ANKRD33: variants seen among roughly 807,000 people sequenced by gnomAD.
ANKRD33 encodes the protein photoreceptor ankyrin repeat protein.
In ANKRD33, 20 loss-of-function variants were observed where a neutral mutation model predicts 20.6. That is an observed-to-expected ratio of 0.97 (90% CI 0.68 to 1.41). ANKRD33 has a LOEUF of 1.41. Ranked by LOEUF, ANKRD33 falls within the 40% of genes most tolerant of loss-of-function variation. ANKRD33 has a pLI of 0.00. For synonymous variants in ANKRD33, 246 were observed against 245.0 expected (o/e 1.00, Z -0.04); for missense variants, 545 against 579.6 (o/e 0.94, Z 0.61).
chr12:51,888,912 A>G (rs747345704), intron 2 of ANKRD33, 94 bp downstream of exon 2: 11 of 1,590,696 alleles, frequency 6.9e-6, no homozygotes, highest in Non-Finnish European at 9.4e-6. Flanking sequence ...TTCAGGGGCA[A>G]TACCTCCTGC....
At position 51,891,548 on chromosome 12, in the gene ANKRD33, T is replaced by C. The variant is rs1365480580; in HGVS notation, c.*243T>C. On this transcript the variant is annotated 3_prime_UTR_variant, in exon 5 of 5. Transcript: ENST00000301190. The stretch of plus-strand genomic sequence containing the variant: ...TACGGATGTAATTGCTGTCCATCCA[T>C]ACAGAGCATACTCTACAGTGTATTC... 1.6e-5 allele frequency: 10 copies of C among 615,824 alleles called. No individual in the cohort carries two copies. In the East Asian group the frequency reaches 2.8e-4, roughly 18 times the overall value. The allele number at this position is 615,824 out of a possible 1,614,324, so 38.1% of individuals were successfully genotyped here. A position where few individuals can be genotyped will look rare whatever the true frequency, so the allele number is the denominator to read the frequency against.
Position 51,889,068 on chromosome 12 carries a change from C to A in ANKRD33, c.398C>A (p.Thr133Lys). 1 of 1,614,148 alleles carries A rather than the reference C, an allele frequency of 6.2e-7. No homozygotes were observed. Among genetic ancestry groups the A allele is most frequent in the African/African-American group, 1.3e-5 (1 of 75,046 alleles). The change falls in exon 3 of 5, where the codon ACA becomes AAA. Residue 133 changes from threonine (T) to lysine (K), a missense_variant and splice_region_variant. Coordinates refer to ENST00000301190, the MANE Select transcript of ANKRD33 (RefSeq NM_182608.4). Reference protein sequence around the residue: ...EATQVDSNGRTGLMVACYHGF... With the variant: ...EATQVDSNGRKGLMVACYHGF... ...GGATCTGAGCTGCCCCTCCCTCAGACAGGCCTCATGGTCGCATGCTACCAC... is the reference window on the plus strand; with the variant it reads ...GGATCTGAGCTGCCCCTCCCTCAGAAAGGCCTCATGGTCGCATGCTACCAC...
chr12:51,890,947 C>A lies in ANKRD33; in HGVS notation c.1001C>A (p.Ser334Ter). The A allele has an allele frequency of 6.2e-7, 1 of 1,613,638 alleles. No individual in the cohort carries two copies. The highest frequency in any genetic ancestry group is 1.1e-5 in the South Asian group (1 of 91,086). Residue 334 changes from serine to a stop codon, truncating the protein, a stop_gained, in exon 5 of 5, where the codon TCG becomes TAG. Transcript: ENST00000301190. LOFTEE classifies it low-confidence loss of function (END_TRUNC). ...CHTLCPDHPPSLGTRSKSVPE... is the reference protein window; with the variant it reads ...CHTLCPDHPP ...ACTCTGTGCCCTGACCATCCACCTTCGCTGGGCACCCGAAGCAAGTCCGTG... is the reference window on the plus strand; with the variant it reads ...ACTCTGTGCCCTGACCATCCACCTTAGCTGGGCACCCGAAGCAAGTCCGTG...
Position 51,890,613 on chromosome 12 carries a change from C to A in ANKRD33, c.667C>A (p.Arg223=). ...CADLTAVDPV[R]GKTALEWAVL... ...TGACCTGACAGCAGTGGACCCTGTT[C>A]GGGGCAAGACGGCCCTGGAATGGGC... Residue 223 remains arginine (R), a synonymous_variant, in exon 5 of 5, where the codon CGG becomes AGG. Transcript: ENST00000301190. The A allele has an allele frequency of 6.2e-7, 1 of 1,610,496 alleles. No individual in the cohort carries two copies. The highest frequency in any genetic ancestry group is 1.7e-5 in the Admixed American group (1 of 60,010).
In ANKRD33 at chr12:51,891,294, G is replaced by T. The variant is rs1221677434; in HGVS notation, c.1348G>T (p.Ala450Ser). ...GAAACAGGAGGAGGAGGCCAGAATG[G>T]CACAGAAGTAGGGGAAGATGGGATA... is the stretch of plus-strand genomic sequence containing the variant. ...KRKQEEEARMAQK is the reference protein window; with the variant it reads ...KRKQEEEARMSQK Residue 450 changes from alanine to serine, a missense_variant, in exon 5 of 5, where the codon GCA becomes TCA. Transcript: ENST00000301190. 1.9e-6 allele frequency: 3 copies of T among 1,613,900 alleles called. No homozygotes were observed. The highest frequency in any genetic ancestry group is 2.5e-6 in the Non-Finnish European group (3 of 1,179,932).
intron 4 of ANKRD33, 168 bp downstream of exon 4, chr12:51,889,650 G>T (rs73109600): frequency 1.4e-5 from 18 of 1,241,878 alleles, no homozygotes; most frequent in African/African-American, 3.0e-5. Flanking sequence ...CCTTCCTGGA[G>T]GGGGGGGCAC....
chr12:51,888,241 C>T lies in ANKRD33; in HGVS notation c.55C>T (p.Leu19=), dbSNP rs367797142. The T allele has an allele frequency of 2.5e-5, 41 of 1,614,028 alleles. No homozygotes were observed. Among genetic ancestry groups the T allele is most frequent in the Non-Finnish European group, 3.1e-5 (37 of 1,180,008 alleles). The change falls in exon 1 of 5, where the codon CTG becomes TTG. Residue 19 remains leucine (L), a synonymous_variant. Coordinates refer to ENST00000301190, the MANE Select transcript of ANKRD33 (RefSeq NM_182608.4). ...TGCTTCCTGGGGAGGGATAGTCCAC[C>T]TGGAGGCATTCGGAGACCCAGTGAT... The part of the protein sequence containing the change: ...CVASWGGIVH[L]EAFGDPVIVL...
At position 51,890,568 on chromosome 12, in the gene ANKRD33, CT is replaced by C; in HGVS notation, c.638-15del. 1.2e-6 allele frequency: 2 copies of C among 1,606,576 alleles called. No individual in the cohort carries two copies. Among genetic ancestry groups the C allele is most frequent in the Non-Finnish European group, 1.7e-6 (2 of 1,178,272 alleles). ...CCCCTATCCCGCCCCATGTCACCCC[CT>C]GTGCTCCTTCCCAGGTGCTGACCTG... On this transcript the variant is annotated splice_polypyrimidine_tract_variant and intron_variant, in intron 4 of 4. Coordinates refer to ENST00000301190, the MANE Select transcript of ANKRD33 (RefSeq NM_182608.4).
In ANKRD33 at chr12:51,890,797, T is replaced by G; in HGVS notation, c.851T>G (p.Leu284Arg). ...CAGGCCCAGGTTGCCCCTTCACTCC[T>G]AGAACGGCTGCAGGCTACCTTGAGC... ...QAQAQVAPSL[L>R]ERLQATLSLP... Residue 284 changes from leucine (L) to arginine (R), a missense_variant, in exon 5 of 5, where the codon CTA (leucine) becomes CGA (arginine). Transcript: ENST00000301190. 1 of 1,607,370 alleles carries G rather than the reference T, an allele frequency of 6.2e-7. No individual in the cohort carries two copies. The highest frequency in any genetic ancestry group is 8.5e-7 in the Non-Finnish European group (1 of 1,179,318).
rs766486529 is a variant in ANKRD33, at chr12:51,890,859, CTGGA to C, written c.914_917del (p.Leu305ProfsTer4). On this transcript the variant is annotated frameshift_variant, in exon 5 of 5. Coordinates refer to ENST00000301190, the MANE Select transcript of ANKRD33 (RefSeq NM_182608.4). LOFTEE classifies it low-confidence loss of function (END_TRUNC). ...CCCGTCTCCTCAGGAGGGGGGTGTTCTGGACCACCTTGTGACTGCCACAACCAGC... is the reference window on the plus strand; with the variant it reads ...CCCGTCTCCTCAGGAGGGGGGTGTTCCCACCTTGTGACTGCCACAACCAGC... The C allele has an allele frequency of 1.1e-5, 17 of 1,612,992 alleles. No individual in the cohort carries two copies. The highest frequency in any genetic ancestry group is 1.3e-5 in the African/African-American group (1 of 74,910).
At chr12:51,890,256 C>A (rs779043976) in intron 4 of ANKRD33, 1 of 481,656 alleles carries the variant, frequency 2.1e-6, no homozygotes, top group East Asian at 4.2e-5. Flanking sequence ...CCCACCTGCC[C>A]CAGAGGGTGC....
intron 4 of ANKRD33, 157 bp downstream of exon 4, chr12:51,889,639 A>C: frequency 7.6e-7 from 1 of 1,320,578 alleles, no homozygotes. Context: ...AATCTAGTTC[A>C]CCTTCCTGGA....
rs535198841 is a variant in ANKRD33, at chr12:51,888,232, A to G, written c.46A>G (p.Ile16Val). 4.3e-6 allele frequency: 7 copies of G among 1,614,100 alleles called. No homozygotes were observed. In the South Asian group the frequency reaches 5.5e-5, roughly 13 times the overall value. Residue 16 changes from isoleucine to valine, a missense_variant, in exon 1 of 5, where the codon ATA becomes GTA. Coordinates refer to ENST00000301190, the MANE Select transcript of ANKRD33 (RefSeq NM_182608.4). ...TACCTGCGTTGCTTCCTGGGGAGGG[A>G]TAGTCCACCTGGAGGCATTCGGAGA... ...SVTCVASWGG[I>V]VHLEAFGDPV...
At position 51,890,672 on chromosome 12, in the gene ANKRD33, G is replaced by T. The variant is rs1471599783; in HGVS notation, c.726G>T (p.Arg242Ser). The change falls in exon 5 of 5, where the codon AGG becomes AGT. Residue 242 changes from arginine to serine, a missense_variant. Physicochemically the swap from Arg to Ser is moderately radical, Grantham distance 110. Coordinates refer to ENST00000301190, the MANE Select transcript of ANKRD33 (RefSeq NM_182608.4). Reference sequence around the variant, plus strand: ...CCGACAGCTTCGACACCGTGTGGAGGATTCGGCAGCTGCTGAGGCGGCCCC... The same window carrying T: ...CCGACAGCTTCGACACCGTGTGGAGTATTCGGCAGCTGCTGAGGCGGCCCC... ...VLTDSFDTVW[R>S]IRQLLRRPQV... 6.2e-7 allele frequency: 1 copy of T among 1,606,180 alleles called. No homozygotes were observed. The highest frequency in any genetic ancestry group is 8.5e-7 in the Non-Finnish European group (1 of 1,179,986).
chr12:51,890,292 C>T (rs1050751658), intron 4 of ANKRD33: 11 of 620,044 alleles, frequency 1.8e-5, no homozygotes, highest in Non-Finnish European at 2.5e-5. Flanking sequence ...CTGTCCTGGG[C>T]AGCCTGCACC....
rs1353585185 is a variant in ANKRD33 at position 51,889,096 on chromosome 12, C to T, written c.426C>T (p.Gly142=). 10 of 1,614,044 alleles carry T rather than the reference C, an allele frequency of 6.2e-6. No individual in the cohort carries two copies. Among genetic ancestry groups the T allele is most frequent in the Non-Finnish European group, 5.9e-6 (7 of 1,180,006 alleles). ...RTGLMVACYH[G]FQSVVALLSH... is the part of the protein sequence containing the mutation. ...GCCTCATGGTCGCATGCTACCACGG[C>T]TTCCAGAGTGTTGTGGCCCTGCTCA... The change falls in exon 3 of 5, where the codon GGC becomes GGT. Residue 142 remains glycine (G), a synonymous_variant. Transcript: ENST00000301190.
At position 51,889,074 on chromosome 12, in the gene ANKRD33, T is replaced by C. The variant is rs1044536400; in HGVS notation, c.404T>C (p.Leu135Pro). Residue 135 changes from leucine to proline, a missense_variant, in exon 3 of 5, where the codon CTC (leucine) becomes CCC (proline). By Grantham distance (98) the Leu-to-Pro change is moderately conservative. Transcript: ENST00000301190. Reference sequence around the variant, plus strand: ...GAGCTGCCCCTCCCTCAGACAGGCCTCATGGTCGCATGCTACCACGGCTTC... The same window carrying C: ...GAGCTGCCCCTCCCTCAGACAGGCCCCATGGTCGCATGCTACCACGGCTTC... ...TQVDSNGRTG[L>P]MVACYHGFQS... The C allele has an allele frequency of 2.5e-6, 4 of 1,614,128 alleles. No homozygotes were observed. The highest frequency in any genetic ancestry group is 2.5e-6 in the Non-Finnish European group (3 of 1,179,988).
chr12:51,889,760 C>G (rs964139393), intron 4 of ANKRD33: 4 of 554,784 alleles, frequency 7.2e-6, no homozygotes, highest in Non-Finnish European at 1.2e-5. Context: ...GGAACCTAGC[C>G]CAGCTGGAAA....
Position 51,888,212 on chromosome 12 carries a change from G to A in ANKRD33, c.26G>A (p.Cys9Tyr). The change falls in exon 1 of 5, where the codon TGC (cysteine) becomes TAC (tyrosine). Residue 9 changes from cysteine (C) to tyrosine (Y), a missense_variant. Transcript: ENST00000301190. MKVQPSVTCVASWGGIVHL... is the reference protein window; with the variant it reads MKVQPSVTYVASWGGIVHL... The stretch of plus-strand genomic sequence containing the variant: ...ATGAAAGTCCAGCCATCTGTTACCT[G>A]CGTTGCTTCCTGGGGAGGGATAGTC... 3 of 1,614,204 alleles carry A rather than the reference G, an allele frequency of 1.9e-6. No individual in the cohort carries two copies. In the South Asian group the frequency reaches 3.3e-5, roughly 18 times the overall value.
Sources: gnomAD v4.1 joint callset for allele counts on GRCh38, gnomAD v4.1.1 for gene constraint, MANE v1.5 for transcripts, NCBI Gene and HGNC (gene_info 2026-07-23, HGNC 2026-07-21) for gene names.